The following SGCD variants were observed in gnomAD, a reference collection of about 807,000 sequenced individuals.
SGCD encodes the protein sarcoglycan delta, also known as delta-sarcoglycan.
A neutral mutation model predicts 36.6 loss-of-function variants in SGCD; 18 were observed. The ratio of observed to expected loss-of-function variants is 0.49; its 90% CI spans 0.34 to 0.73. SGCD has a LOEUF of 0.73. Ranked by LOEUF, SGCD falls within the 30% of genes least tolerant of loss-of-function variation. The pLI, the probability that SGCD is intolerant of heterozygous loss-of-function variation, is 0.01. For synonymous variants in SGCD, 133 were observed against 130.6 expected (o/e 1.02, Z -0.12); for missense variants, 387 against 346.7 (o/e 1.12, Z -0.92).
chr5:156,686,635 G>T (rs376194633), intron 7 of SGCD, among the ~76,000 whole-genome samples: 3 of 152,332 alleles, frequency 2.0e-5, no homozygotes, highest in East Asian at 3.9e-4. Flanking sequence ...TGACAGGTTT[G>T]TAAGTGTCTA....
intron 1 of SGCD, among the ~76,000 whole-genome samples, chr5:155,995,306 C>A (rs933959234): frequency 6.6e-6 from 1 of 151,924 alleles, no homozygotes; most frequent in Non-Finnish European, 1.5e-5. Flanking sequence ...TTTTAAAGAG[C>A]AAGCATTATA....
the SGCD span, among the ~76,000 whole-genome samples, chr5:155,862,163 T>G: frequency 6.6e-6 from 1 of 152,228 alleles, no homozygotes; most frequent in Non-Finnish European, 1.5e-5. Flanking sequence ...AAATGGTGTT[T>G]TCACCCTATG....
At chr5:155,962,243 C>G (rs1315216924) in intron 1 of SGCD, among the ~76,000 whole-genome samples, 1 of 152,036 alleles carries the variant, frequency 6.6e-6, no homozygotes, top group Non-Finnish European at 1.5e-5. Context: ...TGATGCCTTA[C>G]CGAGCTTAGG....
At chr5:156,344,818 T>A in intron 3 of SGCD, 141 bp downstream of exon 3, 1 of 610,894 alleles carries the variant, frequency 1.6e-6, no homozygotes, top group South Asian at 2.3e-5. Context: ...GAAAGAGCAT[T>A]TCTGTTCAGA....
chr5:156,423,124 A>T (rs1773398912), intron 3 of SGCD, among the ~76,000 whole-genome samples: 1 of 117,192 alleles, frequency 8.5e-6, no homozygotes, highest in African/African-American at 3.2e-5. Context: ...AGGAAATATT[A>T]ATTAATTAAT....
intron 1 of SGCD, among the ~76,000 whole-genome samples, chr5:155,962,028 T>A (rs1178400787): frequency 6.6e-6 from 1 of 152,124 alleles, no homozygotes; most frequent in East Asian, 1.9e-4. Flanking sequence ...AATGCTTTAT[T>A]GAATTTAATC....
At chr5:156,634,572 C>G (rs1762753115) in intron 6 of SGCD, among the ~76,000 whole-genome samples, 1 of 152,028 alleles carries the variant, frequency 6.6e-6, no homozygotes, top group African/African-American at 2.4e-5. Flanking sequence ...ATAGAAAACA[C>G]AAAACCATAG....
rs960881588 is a variant in SGCD, at chr5:156,130,556, C to T, written c.-44+6537C>T. Among the ~76,000 whole-genome samples the T allele has an allele frequency of 3.3e-5, 5 of 152,224 alleles. No individual in the cohort carries two copies. The South Asian group carries it at 1.0e-3, about 32-fold the overall frequency. On this transcript the variant is annotated intron_variant, in intron 3 of 9. Coordinates refer to the SGCD transcript ENST00000517913. ...GCTTTTAGTGTCTTTGTCATGAAAT[C>T]TTTGCCCATTCCTATGTCCAGAATG...
chr5:156,351,039 T>C (rs375009917), intron 3 of SGCD, among the ~76,000 whole-genome samples: 6 of 152,306 alleles, frequency 3.9e-5, no homozygotes, highest in African/African-American at 1.4e-4. Context: ...TAGCTTGTTA[T>C]CTTTGCCAAC....
intron 6 of SGCD, among the ~76,000 whole-genome samples, chr5:156,607,640 C>G (rs564554158): frequency 6.6e-6 from 1 of 152,188 alleles, no homozygotes; most frequent in African/African-American, 2.4e-5. Context: ...CCTCTTTGTA[C>G]CTCTGGTAGA....
intron 3 of SGCD, among the ~76,000 whole-genome samples, chr5:156,208,540 T>C (rs147094000): frequency 1.3e-5 from 2 of 152,238 alleles, no homozygotes; most frequent in African/African-American, 2.4e-5. Flanking sequence ...AACCAAAGGA[T>C]TGGGGGTTAT....
At chr5:156,184,608 T>C (rs142971480) in intron 3 of SGCD, among the ~76,000 whole-genome samples, 1 of 152,308 alleles carries the variant, frequency 6.6e-6, no homozygotes, top group East Asian at 1.9e-4. Context: ...AGTGTATTTC[T>C]TAATGAGGCA....
At chr5:155,977,849 A>T (rs1758148682) in intron 1 of SGCD, among the ~76,000 whole-genome samples, 1 of 152,166 alleles carries the variant, frequency 6.6e-6, no homozygotes, top group Non-Finnish European at 1.5e-5. Context: ...TAATCTCAGT[A>T]CTTTGGGAGG....
At chr5:156,447,433 C>T (rs1388063181) in intron 3 of SGCD, among the ~76,000 whole-genome samples, 3 of 152,148 alleles carry the variant, frequency 2.0e-5, no homozygotes, top group African/African-American at 7.2e-5. Flanking sequence ...ACCAAATTTT[C>T]CAGTCCTGCT....
intron 3 of SGCD, among the ~76,000 whole-genome samples, chr5:156,483,822 G>T (rs975979089): frequency 2.0e-5 from 3 of 152,208 alleles, no homozygotes; most frequent in Non-Finnish European, 2.9e-5. Flanking sequence ...TGGTTTGGGG[G>T]CATTCCCGCT....
At chr5:156,035,239 A>G (rs971047303) in intron 1 of SGCD, among the ~76,000 whole-genome samples, 2 of 152,292 alleles carry the variant, frequency 1.3e-5, no homozygotes, top group Non-Finnish European at 2.9e-5. Context: ...ATTGAATTCT[A>G]CCATCTACTC....
At chr5:155,786,512 A>G in the SGCD span, among the ~76,000 whole-genome samples, 1 of 152,174 alleles carries the variant, frequency 6.6e-6, no homozygotes, top group South Asian at 2.1e-4. Flanking sequence ...TTAAATTAAA[A>G]AAAAGTTTGG....
chr5:156,098,383 A>G (rs567397582), intron 1 of SGCD, among the ~76,000 whole-genome samples: 1 of 152,316 alleles, frequency 6.6e-6, no homozygotes, highest in South Asian at 2.1e-4. Flanking sequence ...GAAATTTCTC[A>G]AAAGTTACTT....
At chr5:156,140,372 T>C (rs113449264) in intron 3 of SGCD, among the ~76,000 whole-genome samples, 4 of 152,278 alleles carry the variant, frequency 2.6e-5, no homozygotes, top group African/African-American at 9.6e-5. Flanking sequence ...GTCTTAAAGA[T>C]GATCTAAGTA....
Sources: gnomAD v4.1 joint callset for allele counts (sites outside exome capture counted in the v4.1 genomes callset) on GRCh38, gnomAD v4.1.1 for gene constraint, MANE v1.5 for transcripts, NCBI Gene and HGNC (gene_info 2026-07-23, HGNC 2026-07-21) for gene names.